PTPRD: variants seen among roughly 807,000 people sequenced by gnomAD.
The protein encoded by PTPRD is protein tyrosine phosphatase receptor type D, also known as receptor-type tyrosine-protein phosphatase delta.
A neutral mutation model predicts 214.5 loss-of-function variants in PTPRD; 34 were observed. The observed-to-expected ratio is 0.16, with a 90% CI of 0.12 to 0.21. The LOEUF (loss-of-function observed/expected upper bound fraction) is 0.21. PTPRD is among the 10% of genes least tolerant of loss of function. The pLI, the probability that PTPRD is intolerant of heterozygous loss-of-function variation, is 1.00. For missense variants in PTPRD, 2,545 were observed against 2,398.7 expected, an observed-to-expected ratio of 1.06 and a Z score of -1.27; for synonymous variants, 1,128 against 845.7, an observed-to-expected ratio of 1.33 and a Z score of -5.79.
intron 5 of PTPRD, among the ~76,000 whole-genome samples, chr9:9,886,621 G>T (rs1008008155): frequency 6.6e-6 from 1 of 152,142 alleles, no homozygotes; most frequent in Non-Finnish European, 1.5e-5. Context: ...TTGAAAAGAG[G>T]TGTCTATAAT....
chr9:8,427,581 G>T (rs1027191569), intron 35 of PTPRD, among the ~76,000 whole-genome samples: 14 of 152,186 alleles, frequency 9.2e-5, no homozygotes, highest in African/African-American at 3.1e-4. Context: ...AATGACTGGA[G>T]AGTAAGAAAG....
At chr9:8,327,856 C>T in intron 44 of PTPRD, among the ~76,000 whole-genome samples, 1 of 152,108 alleles carries the variant, frequency 6.6e-6, no homozygotes, top group East Asian at 1.9e-4. Flanking sequence ...GTTTTGCTTT[C>T]CATTTGCTTG....
intron 11 of PTPRD, among the ~76,000 whole-genome samples, chr9:8,824,065 CTT>C (rs1269532287): frequency 1.3e-5 from 2 of 152,130 alleles, no homozygotes; most frequent in African/African-American, 4.8e-5. Flanking sequence ...AGAGGTCACT[CTT>C]GTCGCCACTT....
rs960946673 is a variant in PTPRD at position 8,376,505 on chromosome 9, G to C, written c.4506+102C>G. On this transcript the variant is annotated intron_variant, in intron 38 of 45. Coordinates refer to ENST00000381196, the MANE Select transcript of PTPRD (RefSeq NM_002839.4). Reference sequence around the variant, plus strand: ...TTTCATTCTTCACTGTTGCCATTGAGATCAAGATTTAAGTAAAGCCTTAAG... The same window carrying C: ...TTTCATTCTTCACTGTTGCCATTGACATCAAGATTTAAGTAAAGCCTTAAG... 37 of 1,523,706 alleles carry C rather than the reference G, an allele frequency of 2.4e-5. No homozygotes were observed. The Admixed American group carries it at 4.4e-4, about 18-fold the overall frequency. The allele number at this position is 1,523,706 out of a possible 1,614,324, so 94.4% of individuals were successfully genotyped here.
At chr9:9,252,663 T>C (rs1475543381) in intron 9 of PTPRD, among the ~76,000 whole-genome samples, 2 of 152,020 alleles carry the variant, frequency 1.3e-5, no homozygotes, top group Non-Finnish European at 2.9e-5. Flanking sequence ...TTTATTTTTG[T>C]AGAGTTGTGG....
intron 9 of PTPRD, among the ~76,000 whole-genome samples, chr9:9,313,374 C>G (rs1269974370): frequency 2.0e-5 from 3 of 151,944 alleles, no homozygotes; most frequent in African/African-American, 7.3e-5. Flanking sequence ...ACAATTGTAC[C>G]TGAAAAACAG....
intron 10 of PTPRD, among the ~76,000 whole-genome samples, chr9:9,126,650 A>C (rs1424351138): frequency 6.6e-6 from 1 of 152,224 alleles, no homozygotes; most frequent in Non-Finnish European, 1.5e-5. Context: ...TTTTTGGTGA[A>C]TCACTGAGTG....
chr9:9,684,693 TTG>T (rs138242584), intron 7 of PTPRD, among the ~76,000 whole-genome samples: 17 of 148,996 alleles, frequency 1.1e-4, no homozygotes, highest in South Asian at 4.2e-4. Flanking sequence ...AATACAGCAT[TTG>T]TGTGTGTGTG....
At chr9:8,439,280 G>A (rs1590470386) in intron 34 of PTPRD, among the ~76,000 whole-genome samples, 1 of 152,124 alleles carries the variant, frequency 6.6e-6, no homozygotes, top group African/African-American at 2.4e-5. Flanking sequence ...GAAGCGCCTT[G>A]ATTTCTTTAA....
intron 7 of PTPRD, among the ~76,000 whole-genome samples, chr9:9,614,387 T>C (rs1032188487): frequency 6.6e-5 from 10 of 152,162 alleles, no homozygotes; most frequent in African/African-American, 2.4e-4. Flanking sequence ...TTATTTTCTC[T>C]GAGAAACATT....
chr9:8,564,098 G>C (rs1464006019), intron 14 of PTPRD, among the ~76,000 whole-genome samples: 1 of 152,224 alleles, frequency 6.6e-6, no homozygotes, highest in Non-Finnish European at 1.5e-5. Context: ...ATGCTGGACA[G>C]CAGATCCAAG....
At chr9:8,523,374 G>A (rs920865260) in intron 19 of PTPRD, 139 bp downstream of exon 19, 5 of 995,678 alleles carry the variant, frequency 5.0e-6, no homozygotes, top group Non-Finnish European at 7.6e-6. Flanking sequence ...CAGAAGCCAT[G>A]GCCAGGGCAT....
At chr9:9,318,882 C>A (rs1964887378) in intron 9 of PTPRD, among the ~76,000 whole-genome samples, 1 of 152,168 alleles carries the variant, frequency 6.6e-6, no homozygotes, top group Admixed American at 6.6e-5. Flanking sequence ...CTTCATCCCA[C>A]CTGCAGGCTT....
rs1232825559 is a variant in PTPRD at position 8,334,185 on chromosome 9, C to CTAAT, written c.5380-2453_5380-2450dup. Among the ~76,000 whole-genome samples the CTAAT allele has an allele frequency of 7.9e-5, 12 of 152,072 alleles. 1 individual carries two copies. Among genetic ancestry groups the CTAAT allele is most frequent in the Admixed American group, 2.6e-4 (4 of 15,240 alleles). On this transcript the variant is annotated intron_variant, in intron 43 of 45. Coordinates refer to ENST00000381196, the MANE Select transcript of PTPRD (RefSeq NM_002839.4). ...GAAGTCAGCTCTGGACTAAGCAGAC[C>CTAAT]TAATAGACATCTACAGAACTCTCCA...
chr9:10,212,926 T>A (rs1479454788), intron 3 of PTPRD, among the ~76,000 whole-genome samples: 1 of 152,186 alleles, frequency 6.6e-6, no homozygotes, highest in African/African-American at 2.4e-5. Flanking sequence ...TCTCAGACAG[T>A]TCTTTCAGAA....
chr9:8,491,257 T>C (rs942911283), intron 27 of PTPRD, among the ~76,000 whole-genome samples: 1 of 152,216 alleles, frequency 6.6e-6, no homozygotes, highest in African/African-American at 2.4e-5. Context: ...TCCAAAGGAA[T>C]TCTATATGTG....
At chr9:9,368,802 C>T (rs2058605953) in intron 9 of PTPRD, among the ~76,000 whole-genome samples, 3 of 151,928 alleles carry the variant, frequency 2.0e-5, no homozygotes, top group South Asian at 4.2e-4. Flanking sequence ...AGTACATGTG[C>T]ACAACGTGCA....
At chr9:9,840,604 G>A (rs1331550437) in intron 5 of PTPRD, among the ~76,000 whole-genome samples, 2 of 151,384 alleles carry the variant, frequency 1.3e-5, no homozygotes, top group Non-Finnish European at 2.9e-5. Context: ...GGAAAGAAAT[G>A]GGAAGGGAAT....
At position 9,670,527 on chromosome 9, in the gene PTPRD, C is replaced by T. The variant is rs568353859; in HGVS notation, c.-287+64006G>A. ...CAATAAGGGAAAACGGAAAATGTCTCTAGGGAATATTAGAGGTCTTCATGG... is the reference window on the plus strand; with the variant it reads ...CAATAAGGGAAAACGGAAAATGTCTTTAGGGAATATTAGAGGTCTTCATGG... On this transcript the variant is annotated intron_variant, in intron 7 of 45. Coordinates refer to ENST00000381196, the MANE Select transcript of PTPRD (RefSeq NM_002839.4). 2.5e-3 allele frequency among the ~76,000 whole-genome samples: 380 copies of T among 152,302 alleles called. 2 individuals are homozygous for T. Among genetic ancestry groups the T allele is most frequent in the African/African-American group, 8.6e-3 (356 of 41,576 alleles).
Sources: gnomAD v4.1 joint callset for allele counts (sites outside exome capture counted in the v4.1 genomes callset) on GRCh38, gnomAD v4.1.1 for gene constraint, MANE v1.5 for transcripts, NCBI Gene and HGNC (gene_info 2026-07-23, HGNC 2026-07-21) for gene names.